The following NHS variants were observed in gnomAD, a reference collection of about 807,000 sequenced individuals.
The protein encoded by NHS is NHS actin remodeling regulator.
NHS carries 5 observed loss-of-function variants against 72.5 expected under a neutral mutation model. That is an observed-to-expected ratio of 0.07 (90% CI 0.04 to 0.14). The LOEUF is 0.14. NHS is among the 10% of genes least tolerant of loss of function. The pLI, the probability that NHS is intolerant of heterozygous loss-of-function variation, is 1.00. For missense variants in NHS, 1,072 were observed against 1,355.7 expected, an observed-to-expected ratio of 0.79 and a Z score of 3.29; for synonymous variants, 464 against 547.7, an observed-to-expected ratio of 0.85 and a Z score of 2.13.
intron 1 of NHS, among the ~76,000 whole-genome samples, chrX:17,525,638 C>CTTTTTTTT (rs1162709869): frequency 4.9e-4 from 26 of 53,059 alleles, no homozygotes; most frequent in East Asian, 6.1e-4. Flanking sequence ...TCTTTCTTTT[C>CTTTTTTTT]TTTTTTTTTT....
At chrX:17,389,650 G>T (rs2064431479) in intron 1 of NHS, among the ~76,000 whole-genome samples, 1 of 109,092 alleles carries the variant, frequency 9.2e-6, no homozygotes, top group Admixed American at 9.8e-5. Flanking sequence ...CATCCAGGCT[G>T]GAGTACAGTG....
At position 17,375,639 on chromosome X, in the gene NHS, A is replaced by AC; in HGVS notation, c.-118dup. The AC allele has an allele frequency of 1.4e-6, 1 of 716,546 alleles. No individual in the cohort carries two copies. The highest frequency in any genetic ancestry group is 2.1e-6 in the Non-Finnish European group (1 of 483,289). 59.1% of individuals were successfully genotyped at this position (716,546 alleles called of 1,213,427 possible). A position where few individuals can be genotyped will look rare whatever the true frequency, so the allele number is the denominator to read the frequency against. On this transcript the variant is annotated 5_prime_UTR_variant, in exon 1 of 9. Transcript: ENST00000676302. ...GCAGAGAAGCCCCCTGCGTATCCGGACTGCCAGATCGCGCTTTTGCCGGAC... is the reference window on the plus strand; with the variant it reads ...GCAGAGAAGCCCCCTGCGTATCCGGACCTGCCAGATCGCGCTTTTGCCGGAC...
intron 1 of NHS, among the ~76,000 whole-genome samples, chrX:17,380,089 A>G (rs972205793): frequency 8.9e-6 from 1 of 111,742 alleles, no homozygotes; most frequent in African/African-American, 3.3e-5. Context: ...AAAGCTTCAC[A>G]GGGAAGGAGA....
intron 1 of NHS, among the ~76,000 whole-genome samples, chrX:17,429,224 ATGTGTG>A (rs10616889): frequency 1.8e-3 from 171 of 96,824 alleles, no homozygotes; most frequent in East Asian, 5.7e-3. Context: ...GTACTGGGGG[ATGTGTG>A]TGTGTGTGTG....
At chrX:17,625,512 A>C (rs919232220) in intron 1 of NHS, among the ~76,000 whole-genome samples, 1 of 111,926 alleles carries the variant, frequency 8.9e-6, no homozygotes, top group Non-Finnish European at 1.9e-5. Context: ...GTTGCTACTT[A>C]CTGCAAATCA....
At chrX:17,484,608 G>T in intron 1 of NHS, among the ~76,000 whole-genome samples, 1 of 52,360 alleles carries the variant, frequency 1.9e-5, no homozygotes, top group South Asian at 1.1e-3. Flanking sequence ...GCTTTGGATT[G>T]GCTAGTTTCA....
intron 1 of NHS, among the ~76,000 whole-genome samples, chrX:17,462,721 A>G (rs2064853021): frequency 8.9e-6 from 1 of 111,837 alleles, no homozygotes; most frequent in Admixed American, 9.5e-5. Flanking sequence ...CAGTTAGTAT[A>G]TGGGCAATTT....
At chrX:17,417,180 C>G (rs2064600997) in intron 1 of NHS, among the ~76,000 whole-genome samples, 1 of 109,431 alleles carries the variant, frequency 9.1e-6, no homozygotes, top group African/African-American at 3.3e-5. Context: ...GTATTGCATA[C>G]CAGGGTCAGA....
chrX:17,519,787 G>A (rs2065138758), intron 1 of NHS, among the ~76,000 whole-genome samples: 2 of 110,654 alleles, frequency 1.8e-5, no homozygotes, highest in Admixed American at 1.9e-4. Context: ...CTTAGGGGAA[G>A]GAAGAGAGAT....
At chrX:17,695,912 A>C (rs1177698795) in intron 3 of NHS, among the ~76,000 whole-genome samples, 5 of 95,197 alleles carry the variant, frequency 5.3e-5, no homozygotes, top group African/African-American at 8.2e-5. Context: ...AGGTCATTTC[A>C]GGGAAAAGCT....
At chrX:17,544,927 C>T (rs2065284523) in intron 1 of NHS, among the ~76,000 whole-genome samples, 1 of 112,824 alleles carries the variant, frequency 8.9e-6, no homozygotes, top group South Asian at 3.7e-4. Context: ...AGAGTCCCAG[C>T]GACACTAACT....
At chrX:17,470,032 A>C (rs535261660) in intron 1 of NHS, among the ~76,000 whole-genome samples, 3 of 111,457 alleles carry the variant, frequency 2.7e-5, no homozygotes, top group African/African-American at 6.5e-5. Context: ...AGGGGCAAGC[A>C]GGCCTACACA....
intron 1 of NHS, among the ~76,000 whole-genome samples, chrX:17,572,415 A>T (rs1345093226): frequency 9.5e-6 from 1 of 105,402 alleles, no homozygotes; most frequent in Non-Finnish European, 1.9e-5. Context: ...CTTTACCATT[A>T]TATAATGGCC....
At chrX:17,538,851 G>T (rs12392758) in intron 1 of NHS, among the ~76,000 whole-genome samples, 1 of 111,706 alleles carries the variant, frequency 9.0e-6, no homozygotes, top group Non-Finnish European at 1.9e-5. Context: ...TCCTGGGAGC[G>T]CATTAGATGT....
intron 6 of NHS, among the ~76,000 whole-genome samples, chrX:17,725,038 T>G (rs1207092443): frequency 9.0e-6 from 1 of 111,424 alleles, no homozygotes; most frequent in Non-Finnish European, 1.9e-5. Flanking sequence ...AAAGATAAAA[T>G]GTACTTTAGT....
At chrX:17,448,859 A>C (rs2064794063) in intron 1 of NHS, among the ~76,000 whole-genome samples, 2 of 112,405 alleles carry the variant, frequency 1.8e-5, no homozygotes, top group South Asian at 7.4e-4. Context: ...GTATGTGCAC[A>C]CTGCACGTTT....
chrX:17,495,960 G>A (rs2146920746), intron 1 of NHS, among the ~76,000 whole-genome samples: 1 of 111,514 alleles, frequency 9.0e-6, no homozygotes, highest in African/African-American at 3.3e-5. Flanking sequence ...CTAAGGGCTG[G>A]TGGCACTCTG....
intron 3 of NHS, among the ~76,000 whole-genome samples, chrX:17,712,286 TATATAC>T (rs1275883134): frequency 2.4e-4 from 19 of 78,402 alleles, no homozygotes; most frequent in African/African-American, 9.7e-4. Flanking sequence ...TATATATATA[TATATAC>T]ACACACACAC....
intron 7 of NHS, 38 bp from the exon 8 acceptor site, chrX:17,728,611 T>C (rs1229625240): frequency 1.6e-5 from 19 of 1,203,743 alleles, no homozygotes; most frequent in Non-Finnish European, 2.0e-5. Context: ...GCGTGCTGGG[T>C]AACTTCCTCT....
Sources: gnomAD v4.1 joint callset for allele counts (sites outside exome capture counted in the v4.1 genomes callset) on GRCh38, gnomAD v4.1.1 for gene constraint, MANE v1.5 for transcripts, NCBI Gene and HGNC (gene_info 2026-07-23, HGNC 2026-07-21) for gene names.